PPP3R1: variants seen among roughly 807,000 people sequenced by gnomAD.
PPP3R1 encodes calcineurin subunit B type 1.
In PPP3R1, 5 loss-of-function variants were observed where a neutral mutation model predicts 22.6. The observed-to-expected ratio is 0.22, with a 90% CI of 0.12 to 0.46. The LOEUF is 0.46. Among genes scored for constraint, PPP3R1 ranks in the 20% least tolerant of loss-of-function variants. PPP3R1 has a pLI of 0.99. For synonymous variants in PPP3R1, 56 were observed against 65.2 expected (o/e 0.86, Z 0.68); for missense variants, 61 against 203.2 (o/e 0.30, Z 4.25).
chr2:68,226,144 A>G (rs550942036), intron 1 of PPP3R1, among the ~76,000 whole-genome samples: 2 of 152,324 alleles, frequency 1.3e-5, no homozygotes, highest in South Asian at 4.1e-4. Context: ...CAGTAACTGA[A>G]AGTTAAGGTG....
chr2:68,188,453 A>C (rs1457119745), intron 3 of PPP3R1, 61 bp downstream of exon 3: 2 of 1,262,700 alleles, frequency 1.6e-6, no homozygotes, highest in Non-Finnish European at 2.2e-6. Context: ...TTTTACACAG[A>C]GCTGTAAGAA....
intron 2 of PPP3R1, among the ~76,000 whole-genome samples, chr2:68,213,056 G>A (rs1669515185): frequency 6.6e-6 from 1 of 152,214 alleles, no homozygotes; most frequent in African/African-American, 2.4e-5. Flanking sequence ...GAATTTTGTG[G>A]CTGGTTTGAC....
At chr2:68,224,947 C>T (rs918269592) in intron 1 of PPP3R1, among the ~76,000 whole-genome samples, 1 of 152,138 alleles carries the variant, frequency 6.6e-6, no homozygotes, top group African/African-American at 2.4e-5. Context: ...CATTTAATAT[C>T]ACTAGACATT....
intron 1 of PPP3R1, among the ~76,000 whole-genome samples, chr2:68,234,897 T>C (rs991687614): frequency 3.9e-5 from 6 of 152,102 alleles, no homozygotes; most frequent in African/African-American, 1.4e-4. Flanking sequence ...AATGATAAGA[T>C]ACCATATTGA....
intron 1 of PPP3R1, among the ~76,000 whole-genome samples, chr2:68,250,359 G>A (rs1670323891): frequency 6.6e-6 from 1 of 152,186 alleles, no homozygotes. Context: ...TCAAAAAACA[G>A]AGGACGGGGT....
In PPP3R1 at chr2:68,252,459, G is replaced by A. The variant is rs888677094; in HGVS notation, c.-332C>T. ...AAGACGGCCGGGAAACTCGGGGGCT[G>A]CAGCCTCGCGCTCGCGCCGGAGCCG... is the stretch of plus-strand genomic sequence containing the variant. On this transcript the variant is annotated 5_prime_UTR_variant, in exon 1 of 6. Transcript: ENST00000234310. 10 of 989,208 alleles carry A rather than the reference G, an allele frequency of 1.0e-5. No homozygotes were observed. In the African/African-American group the frequency reaches 1.4e-4, roughly 14 times the overall value. 61.3% of individuals were successfully genotyped at this position (989,208 alleles called of 1,614,324 possible).
chr2:68,217,147 G>A lies in PPP3R1; in HGVS notation c.4-16C>T. 6.4e-7 allele frequency: 1 copy of A among 1,566,532 alleles called. No individual in the cohort carries two copies. Among genetic ancestry groups the A allele is most frequent in the Non-Finnish European group, 8.7e-7 (1 of 1,146,768 alleles). ...CCTCATTTCCCTGGGGGGAAAGAAAGAAATAATTAGTCATAAAATAGGCAC... is the reference window on the plus strand; with the variant it reads ...CCTCATTTCCCTGGGGGGAAAGAAAAAAATAATTAGTCATAAAATAGGCAC... On this transcript the variant is annotated splice_polypyrimidine_tract_variant and intron_variant, in intron 1 of 5. Transcript: ENST00000234310.
At chr2:68,190,355 A>G (rs926071598) in intron 2 of PPP3R1, among the ~76,000 whole-genome samples, 1 of 151,378 alleles carries the variant, frequency 6.6e-6, no homozygotes, top group Admixed American at 6.6e-5. Flanking sequence ...ACCTGAGGTC[A>G]GGAGTTTCAG....
intron 2 of PPP3R1, among the ~76,000 whole-genome samples, chr2:68,198,779 C>A (rs978390687): frequency 9.9e-5 from 15 of 152,104 alleles, no homozygotes; most frequent in African/African-American, 3.4e-4. Flanking sequence ...GTAGAACTGA[C>A]ATCTTTGTAA....
rs58611793 is a variant in PPP3R1, at chr2:68,179,009, A to AAAAAG, written c.*1953_*1954insCTTTT. On this transcript the variant is annotated 3_prime_UTR_variant, in exon 6 of 6. Transcript: ENST00000234310. ...CACACACAAACTAAAAAAAAAAAAA[A>AAAAAG]AAAAAAAGAAAAAGAAAAAACCCTC... The AAAAAG allele has an allele frequency of 0.27, 32,999 of 122,790 alleles. 3,805 individuals are homozygous for AAAAAG. The highest frequency in any genetic ancestry group is 0.3 in the African/African-American group (9,451 of 31,540). The allele number at this position is 122,790 out of a possible 1,614,324, so 7.6% of individuals were successfully genotyped here. A position where few individuals can be genotyped will look rare whatever the true frequency, so the allele number is the denominator to read the frequency against.
In PPP3R1 at chr2:68,237,974, A is replaced by G. The variant is rs1199217967; in HGVS notation, c.3+14151T>C. On this transcript the variant is annotated intron_variant, in intron 1 of 5. Coordinates refer to ENST00000234310, the MANE Select transcript of PPP3R1 (RefSeq NM_000945.4). ...CTTATTGAAAGTAACAACCTGACAT[A>G]TAAGTCTCTACTCAGATATGTAACA... Among the ~76,000 whole-genome samples the G allele has an allele frequency of 3.9e-5, 6 of 152,218 alleles. No individual in the cohort carries two copies. In the South Asian group the frequency reaches 8.3e-4, roughly 21 times the overall value.
chr2:68,217,177 T>C, intron 1 of PPP3R1, 46 bp from the exon 2 acceptor site: 3 of 1,395,752 alleles, frequency 2.1e-6, no homozygotes, highest in Non-Finnish European at 3.0e-6. Context: ...AGGCACAAAT[T>C]TGTTTAAAAT....
intron 2 of PPP3R1, among the ~76,000 whole-genome samples, chr2:68,211,522 A>G (rs1669487527): frequency 6.6e-6 from 1 of 151,986 alleles, no homozygotes; most frequent in Non-Finnish European, 1.5e-5. Flanking sequence ...ATGGCCACGG[A>G]CTGATCGGGG....
chr2:68,218,663 T>C (rs1262013858), intron 1 of PPP3R1, among the ~76,000 whole-genome samples: 5 of 152,026 alleles, frequency 3.3e-5, no homozygotes, highest in African/African-American at 7.2e-5. Context: ...GTTAAGTATG[T>C]TTCTTGCAAG....
At chr2:68,226,538 T>A (rs1172256774) in intron 1 of PPP3R1, among the ~76,000 whole-genome samples, 1 of 152,192 alleles carries the variant, frequency 6.6e-6, no homozygotes, top group Non-Finnish European at 1.5e-5. Flanking sequence ...AATGTATTCA[T>A]AGCAAATAAC....
At chr2:68,181,753 A>T (rs903777385) in intron 5 of PPP3R1, among the ~76,000 whole-genome samples, 31 of 152,054 alleles carry the variant, frequency 2.0e-4, no homozygotes, top group African/African-American at 7.3e-4. Context: ...TATGACAAAA[A>T]CTGTCCTCAC....
Position 68,252,251 on chromosome 2 carries a change from C to T in PPP3R1, c.-124G>A, listed in dbSNP as rs1670382819. ...CCTCGGGTCGCCGGCGGGGAGGGGG[C>T]GCGCGTGGGGGAGGGGAGGCGGCGC... On this transcript the variant is annotated 5_prime_UTR_variant, in exon 1 of 6. Coordinates refer to ENST00000234310, the MANE Select transcript of PPP3R1 (RefSeq NM_000945.4). The T allele has an allele frequency of 1.4e-5, 15 of 1,064,966 alleles. No homozygotes were observed. Among genetic ancestry groups the T allele is most frequent in the Non-Finnish European group, 1.7e-5 (15 of 882,296 alleles). The allele number at this position is 1,064,966 out of a possible 1,614,324, so 66.0% of individuals were successfully genotyped here.
intron 1 of PPP3R1, among the ~76,000 whole-genome samples, chr2:68,243,052 TG>T (rs1670163896): frequency 6.6e-6 from 1 of 152,206 alleles, no homozygotes; most frequent in African/African-American, 2.4e-5. Flanking sequence ...TCTACAGGAA[TG>T]TTTTTTTGGG....
At chr2:68,217,254 A>AT in intron 1 of PPP3R1, 123 bp from the exon 2 acceptor site, 1 of 557,182 alleles carries the variant, frequency 1.8e-6, no homozygotes, top group Non-Finnish European at 3.2e-6. Flanking sequence ...ATATGACCAC[A>AT]TATATAAATT....
Sources: allele counts gnomAD v4.1 joint callset (sites outside exome capture counted in the v4.1 genomes callset), GRCh38; gene constraint gnomAD v4.1.1; transcripts MANE v1.5; gene names NCBI Gene and HGNC (gene_info 2026-07-23, HGNC 2026-07-21).